The following CLTCL1 variants were observed in gnomAD, a reference collection of about 807,000 sequenced individuals.
CLTCL1 encodes clathrin heavy chain 2.
In CLTCL1, 159 loss-of-function variants were observed where a neutral mutation model predicts 190.0. The ratio of observed to expected loss-of-function variants is 0.84; its 90% CI spans 0.74 to 0.95. The LOEUF is 0.95. CLTCL1 is among the 40% of genes least tolerant of loss of function. CLTCL1 has a pLI of 0.00. For missense variants in CLTCL1, 1,878 were observed against 2,033.4 expected, an observed-to-expected ratio of 0.92 and a Z score of 1.47; for synonymous variants, 752 against 769.6, an observed-to-expected ratio of 0.98 and a Z score of 0.38.
intron 4 of CLTCL1, 77 bp downstream of exon 4, chr22:19,242,698 C>A: frequency 6.6e-7 from 1 of 1,519,918 alleles, no homozygotes; most frequent in Non-Finnish European, 9.1e-7. Context: ...CAGGCCATGC[C>A]CAGCCACACA....
intron 22 of CLTCL1, among the ~76,000 whole-genome samples, chr22:19,205,772 C>G (rs1157132460): frequency 1.3e-5 from 2 of 151,998 alleles, no homozygotes; most frequent in Admixed American, 6.6e-5. Context: ...TTAAAAATTC[C>G]TTTCTCATGC....
intron 2 of CLTCL1, among the ~76,000 whole-genome samples, chr22:19,272,457 CAG>C (rs2087352825): frequency 6.6e-6 from 1 of 152,010 alleles, no homozygotes; most frequent in South Asian, 2.1e-4. Flanking sequence ...TTTTTTGAGA[CAG>C]AGTTTCGCTC....
At chr22:19,202,748 CCTT>C (rs782304044) in intron 22 of CLTCL1, among the ~76,000 whole-genome samples, 2 of 152,190 alleles carry the variant, frequency 1.3e-5, no homozygotes, top group Admixed American at 6.5e-5. Flanking sequence ...TTTCATATCT[CCTT>C]CTCTTCTCAA....
chr22:19,209,885 C>G (rs1206823361), intron 20 of CLTCL1, among the ~76,000 whole-genome samples: 3 of 151,986 alleles, frequency 2.0e-5, no homozygotes, highest in African/African-American at 7.3e-5. Flanking sequence ...AGGGCCTGCT[C>G]TGGGAACCTG....
chr22:19,227,143 G>A (rs1256938242), intron 11 of CLTCL1, among the ~76,000 whole-genome samples: 1 of 151,854 alleles, frequency 6.6e-6, no homozygotes, highest in Non-Finnish European at 1.5e-5. Context: ...ATGACCAGAA[G>A]GAGACCTGAA....
chr22:19,180,110 G>A (rs931917252), intron 32 of CLTCL1, 89 bp downstream of exon 32: 2 of 1,157,918 alleles, frequency 1.7e-6, no homozygotes, highest in South Asian at 1.3e-5. Flanking sequence ...GGCCCCAAGA[G>A]AGCAGGCATC....
intron 24 of CLTCL1, among the ~76,000 whole-genome samples, chr22:19,197,918 G>A (rs1216433300): frequency 6.6e-6 from 1 of 152,170 alleles, no homozygotes; most frequent in Non-Finnish European, 1.5e-5. Flanking sequence ...ATAGATGGAT[G>A]TGGATCACCT....
At chr22:19,186,629 C>G (rs1022174025) in intron 29 of CLTCL1, among the ~76,000 whole-genome samples, 6 of 151,532 alleles carry the variant, frequency 4.0e-5, no homozygotes, top group African/African-American at 1.2e-4. Flanking sequence ...GAGACAGAGT[C>G]TCACTCTGTC....
rs782501177 is a variant in CLTCL1, at chr22:19,187,722, T to C, written c.4441A>G (p.Arg1481Gly). 9.9e-6 allele frequency: 16 copies of C among 1,613,454 alleles called. No homozygotes were observed. Among genetic ancestry groups the C allele is most frequent in the Non-Finnish European group, 1.4e-5 (16 of 1,179,590 alleles). Residue 1481 changes from arginine to glycine, a missense_variant, in exon 29 of 33, where the codon AGG becomes GGG. By Grantham distance (125) the Arg-to-Gly change is moderately radical (BLOSUM62 -2). Coordinates refer to ENST00000427926, the MANE Select transcript of CLTCL1 (RefSeq NM_007098.4). Reference protein sequence around the residue: ...LTEEEDYQGLRASIDAYDNFD... With the variant: ...LTEEEDYQGLGASIDAYDNFD... ...TTGTCATAGGCATCGATAGATGCCCTTAAGCCCTAGGAAGACAGCCTTTCT... is the reference window on the plus strand; with the variant it reads ...TTGTCATAGGCATCGATAGATGCCCCTAAGCCCTAGGAAGACAGCCTTTCT...
chr22:19,222,031 T>C lies in CLTCL1; in HGVS notation c.2481A>G (p.Glu827=), dbSNP rs781810900. 6.2e-7 allele frequency: 1 copy of C among 1,613,894 alleles called. No individual in the cohort carries two copies. The highest frequency in any genetic ancestry group is 8.5e-7 in the Non-Finnish European group (1 of 1,179,754). The part of the protein sequence containing the change: ...GGLLDVDCSE[E]VIKHLIMAVR... ...CTGCCATGATTAAGTGTTTAATCAC[T>C]TCCTCAGAACAATCCACATCAAGCA... is the stretch of plus-strand genomic sequence containing the variant. The change falls in exon 16 of 33, where the codon GAA becomes GAG. Residue 827 remains glutamate, a synonymous_variant. Coordinates refer to ENST00000427926, the MANE Select transcript of CLTCL1 (RefSeq NM_007098.4).
chr22:19,187,613 C>T lies in CLTCL1; in HGVS notation c.4550G>A (p.Gly1517Asp). ...CACGCTCTGGGCCCACCAGTTATTG[C>T]CCTTGTACAGATAGGCCGCAATGCA... The part of the protein sequence containing the change: ...FRCIAAYLYK[G>D]NNWWAQSVEL... The change falls in exon 29 of 33, where the codon GGC becomes GAC. Residue 1517 changes from glycine (G) to aspartate (D), a missense_variant. Physicochemically the swap from Gly to Asp is moderately conservative, Grantham distance 94. Coordinates refer to ENST00000427926, the MANE Select transcript of CLTCL1 (RefSeq NM_007098.4). 1 of 1,613,560 alleles carries T rather than the reference C, an allele frequency of 6.2e-7. No individual in the cohort carries two copies. Among genetic ancestry groups the T allele is most frequent in the Non-Finnish European group, 8.5e-7 (1 of 1,179,898 alleles).
chr22:19,270,311 G>A (rs1304396071), intron 2 of CLTCL1, among the ~76,000 whole-genome samples: 1 of 152,166 alleles, frequency 6.6e-6, no homozygotes, highest in Non-Finnish European at 1.5e-5. Flanking sequence ...CTCGGGCCGG[G>A]AGTAGGAGTG....
intron 15 of CLTCL1, 118 bp from the exon 16 acceptor site, chr22:19,222,211 T>C: frequency 1.0e-6 from 1 of 982,640 alleles, no homozygotes; most frequent in Non-Finnish European, 1.5e-6. Context: ...AGCACTGCGC[T>C]GTGTCCCACC....
chr22:19,239,501 T>C, intron 4 of CLTCL1, 113 bp from the exon 5 acceptor site: 2 of 775,246 alleles, frequency 2.6e-6, no homozygotes, highest in South Asian at 2.9e-5. Context: ...TGATTAACGC[T>C]AAAAGTCACA....
chr22:19,267,711 T>C (rs1164469138), intron 2 of CLTCL1, among the ~76,000 whole-genome samples: 3 of 152,042 alleles, frequency 2.0e-5, no homozygotes, highest in Non-Finnish European at 2.9e-5. Flanking sequence ...TTGGCCAACA[T>C]GGGGAAACCC....
chr22:19,182,049 C>T (rs1310798120), intron 30 of CLTCL1: 1 of 152,262 alleles, frequency 6.6e-6, no homozygotes, highest in Non-Finnish European at 1.5e-5. Context: ...AGCAATGACA[C>T]TCCCTAGGGC....
In CLTCL1 at chr22:19,204,218, C is replaced by T. The variant is rs549384265; in HGVS notation, c.3601-2725G>A. On this transcript the variant is annotated intron_variant, in intron 22 of 32. Coordinates refer to ENST00000427926, the MANE Select transcript of CLTCL1 (RefSeq NM_007098.4). The stretch of plus-strand genomic sequence containing the variant: ...GCCAGAGAAGCCAGAGTCCTGATGA[C>T]GACCCCTGAAGTCCTGACCCGCAGA... Among the ~76,000 whole-genome samples, 327 of 152,174 alleles carry T rather than the reference C, an allele frequency of 2.1e-3. 1 individual carries two copies. Among genetic ancestry groups the T allele is most frequent in the African/African-American group, 7.4e-3 (309 of 41,546 alleles).
chr22:19,221,748 G>C (rs959602210), intron 16 of CLTCL1, 137 bp from the exon 17 acceptor site: 10 of 981,744 alleles, frequency 1.0e-5, no homozygotes, highest in Non-Finnish European at 1.5e-6. Flanking sequence ...TAGGGACCAA[G>C]ATGGACCTGG....
chr22:19,235,835 G>C lies in CLTCL1; in HGVS notation c.830C>G (p.Thr277Arg). ...GTACAGATGAAGATAGCCATACTTT[G>C]TGATCAAGTAAATAACACCATGTTT... ...GAKHGVIYLI[T>R]KYGYLHLYDL... Residue 277 changes from threonine to arginine, a missense_variant, in exon 6 of 33, where the codon ACA becomes AGA. Physicochemically the swap from Thr to Arg is moderately conservative, Grantham distance 71. Coordinates refer to ENST00000427926, the MANE Select transcript of CLTCL1 (RefSeq NM_007098.4). The C allele has an allele frequency of 6.2e-7, 1 of 1,613,842 alleles. No individual in the cohort carries two copies. Among genetic ancestry groups the C allele is most frequent in the East Asian group, 2.2e-5 (1 of 44,896 alleles).
Sources: gnomAD v4.1 joint callset for allele counts (sites outside exome capture counted in the v4.1 genomes callset) on GRCh38, gnomAD v4.1.1 for gene constraint, MANE v1.5 for transcripts, NCBI Gene and HGNC (gene_info 2026-07-23, HGNC 2026-07-21) for gene names.